Variants in PLEKHO2 observed in about 807,000 individuals in gnomAD.
PLEKHO2 encodes pleckstrin homology domain containing O2, also known as pleckstrin homology domain-containing family O member 2.
In PLEKHO2, 20 loss-of-function variants were observed where a neutral mutation model predicts 32.7. The ratio of observed to expected loss-of-function variants is 0.61; its 90% CI spans 0.43 to 0.89. PLEKHO2 has a LOEUF of 0.89. Ranked by LOEUF, PLEKHO2 falls within the 40% of genes least tolerant of loss-of-function variation. The pLI, the probability that PLEKHO2 is intolerant of heterozygous loss-of-function variation, is 0.00. For synonymous variants in PLEKHO2, 247 were observed against 246.3 expected, an observed-to-expected ratio of 1.00 and a Z score of -0.03; for missense variants, 568 against 621.2, an observed-to-expected ratio of 0.91 and a Z score of 0.91.
chr15:64,865,905 G>A lies in PLEKHO2; in HGVS notation c.*17G>A. 6.3e-7 allele frequency: 1 copy of A among 1,587,418 alleles called. No homozygotes were observed. The highest frequency in any genetic ancestry group is 1.1e-5 in the South Asian group (1 of 90,196). ...GCACCCTAGGGCCTTCTGGGCCAGA[G>A]GCACCATCCCTTCTGGCCATCCATC... is the stretch of plus-strand genomic sequence containing the variant. On this transcript the variant is annotated 3_prime_UTR_variant, in exon 6 of 6. Transcript: ENST00000323544.
At chr15:64,845,626 C>G (rs771817029) in intron 1 of PLEKHO2, among the ~76,000 whole-genome samples, 81 of 152,170 alleles carry the variant, frequency 5.3e-4, no homozygotes, top group Non-Finnish European at 1.1e-3. Flanking sequence ...GTCCCCTTCT[C>G]CATACCAAAG....
intron 5 of PLEKHO2, among the ~76,000 whole-genome samples, chr15:64,864,164 C>T (rs1423828116): frequency 6.6e-6 from 1 of 152,148 alleles, no homozygotes; most frequent in Non-Finnish European, 1.5e-5. Flanking sequence ...CTCTGAGGCT[C>T]TCTGGGAGGG....
intron 1 of PLEKHO2, among the ~76,000 whole-genome samples, chr15:64,844,510 A>G (rs2084508662): frequency 6.6e-6 from 1 of 151,770 alleles, no homozygotes; most frequent in African/African-American, 2.4e-5. Context: ...TCCCTTCTGT[A>G]CTCTGGGGCT....
At chr15:64,844,436 C>T (rs73469127) in intron 1 of PLEKHO2, among the ~76,000 whole-genome samples, 2,071 of 152,268 alleles carry the variant, frequency 0.014, 47 homozygotes, top group African/African-American at 0.047. Context: ...GAGAAAACTG[C>T]GAATATCAGT....
intron 2 of PLEKHO2, among the ~76,000 whole-genome samples, chr15:64,851,610 G>T (rs191115250): frequency 1.3e-5 from 2 of 152,156 alleles, no homozygotes. Flanking sequence ...AATGGCTCTT[G>T]GCTGTTTCTT....
Position 64,847,132 on chromosome 15 carries a change from G to A in PLEKHO2, c.13-1461G>A, listed in dbSNP as rs573816950. On this transcript the variant is annotated intron_variant, in intron 1 of 5. Coordinates refer to ENST00000323544, the MANE Select transcript of PLEKHO2 (RefSeq NM_025201.5). ...CCCAGATTCCCCACCACTAGAATGC[G>A]CAGTTCAAAAGGGGGTGGGGGCCCA... 1.1e-4 allele frequency among the ~76,000 whole-genome samples: 16 copies of A among 152,298 alleles called. No homozygotes were observed. The South Asian group carries it at 3.3e-3, about 32-fold the overall frequency.
Position 64,848,589 on chromosome 15 carries a change from A to G in PLEKHO2, c.13-4A>G. 4 of 1,614,110 alleles carry G rather than the reference A, an allele frequency of 2.5e-6. No individual in the cohort carries two copies. The African/African-American group carries it at 4.0e-5, about 16-fold the overall frequency. On this transcript the variant is annotated splice_region_variant and splice_polypyrimidine_tract_variant and intron_variant, in intron 1 of 5. Transcript: ENST00000323544. ...TCATGGTATGAACTGGTGCTGTGTT[A>G]CAGGGTGTGAAGGAAGCCGGTGAGA...
rs559873031 is a variant in PLEKHO2, at chr15:64,844,170, T to A, written c.12+2142T>A. Reference sequence around the variant, plus strand: ...GGCCATCTTCATCATCTCTTTCACATGGCTGCTTTCAGCCCTCCTGCTAGC... The same window carrying A: ...GGCCATCTTCATCATCTCTTTCACAAGGCTGCTTTCAGCCCTCCTGCTAGC... On this transcript the variant is annotated intron_variant, in intron 1 of 5. Coordinates refer to ENST00000323544, the MANE Select transcript of PLEKHO2 (RefSeq NM_025201.5). Among the ~76,000 whole-genome samples, 7 of 152,350 alleles carry A rather than the reference T, an allele frequency of 4.6e-5. 1 individual carries two copies. The highest frequency in any genetic ancestry group is 1.4e-4 in the African/African-American group (6 of 41,586).
rs1595834281 is a variant in PLEKHO2, at chr15:64,866,229, C to T, written c.*341C>T. 2.2e-6 allele frequency: 1 copy of T among 464,162 alleles called. No homozygotes were observed. The highest frequency in any genetic ancestry group is 4.2e-6 in the Non-Finnish European group (1 of 240,190). 28.8% of individuals were successfully genotyped at this position (464,162 alleles called of 1,614,324 possible). ...CGGCACTTGGGGTTTCTGGGAATGA[C>T]ATCATCTCTGTTCCCCATCCCCAGT... is the stretch of plus-strand genomic sequence containing the variant. On this transcript the variant is annotated 3_prime_UTR_variant, in exon 6 of 6. Coordinates refer to ENST00000323544, the MANE Select transcript of PLEKHO2 (RefSeq NM_025201.5).
At position 64,859,926 on chromosome 15, in the gene PLEKHO2, G is replaced by A. The variant is rs2084630972; in HGVS notation, c.312G>A (p.Gly104=). The A allele has an allele frequency of 8.1e-6, 13 of 1,614,186 alleles. No homozygotes were observed. The highest frequency in any genetic ancestry group is 1.1e-5 in the Non-Finnish European group (13 of 1,180,036). The change falls in exon 4 of 6, where the codon GGG becomes GGA. Residue 104 remains glycine (G), a synonymous_variant. Coordinates refer to ENST00000323544, the MANE Select transcript of PLEKHO2 (RefSeq NM_025201.5). ...VSDIKFQAPT[G]EEKESWIKAL... is the part of the protein sequence containing the mutation. ...ACATCAAATTCCAGGCACCCACCGG[G>A]GAGGAGAAGGAATCCTGGATCAAAG...
chr15:64,867,246 C>G lies in PLEKHO2; in HGVS notation c.*1358C>G, dbSNP rs1035637960. ...AAGGGGGGGGTCACAGCAACATGCC[C>G]TGGCCTTTCTGCTCTGTTCCCCAAC... On this transcript the variant is annotated 3_prime_UTR_variant, in exon 6 of 6. Coordinates refer to ENST00000323544, the MANE Select transcript of PLEKHO2 (RefSeq NM_025201.5). 6.5e-6 allele frequency: 1 copy of G among 152,848 alleles called. No homozygotes were observed. Among genetic ancestry groups the G allele is most frequent in the Non-Finnish European group, 1.5e-5 (1 of 68,202 alleles). The allele number at this position is 152,848 out of a possible 1,614,324, so 9.5% of individuals were successfully genotyped here.
In PLEKHO2 at chr15:64,848,661, G is replaced by A. The variant is rs1193710972; in HGVS notation, c.81G>A (p.Lys27=). Reference sequence around the variant, plus strand: ...TGGACAAGGCTGGCTGGATCAAGAAGAGCAGTGGGGGCCTCCTGGGTTTCT... The same window carrying A: ...TGGACAAGGCTGGCTGGATCAAGAAAAGCAGTGGGGGCCTCCTGGGTTTCT... ...QMVDKAGWIK[K]SSGGLLGFWK... is the part of the protein sequence containing the mutation. Residue 27 remains lysine, a synonymous_variant, in exon 2 of 6, where the codon AAG becomes AAA. Transcript: ENST00000323544. 4 of 1,614,190 alleles carry A rather than the reference G, an allele frequency of 2.5e-6. No individual in the cohort carries two copies. The Admixed American group carries it at 6.7e-5, about 27-fold the overall frequency.
chr15:64,861,223 CAG>C (rs1371659801), intron 4 of PLEKHO2, among the ~76,000 whole-genome samples: 1 of 152,256 alleles, frequency 6.6e-6, no homozygotes, highest in Non-Finnish European at 1.5e-5. Flanking sequence ...GTGATATACT[CAG>C]GGGCAAGGGC....
chr15:64,850,675 G>A (rs1271005676), intron 2 of PLEKHO2, among the ~76,000 whole-genome samples: 1 of 152,194 alleles, frequency 6.6e-6, no homozygotes, highest in Non-Finnish European at 1.5e-5. Flanking sequence ...GCCTCGAATA[G>A]CCCTCACTTC....
chr15:64,843,435 C>T (rs950284073), intron 1 of PLEKHO2, among the ~76,000 whole-genome samples: 10 of 152,164 alleles, frequency 6.6e-5, no homozygotes, highest in Non-Finnish European at 1.3e-4. Context: ...GGGCCCCTCC[C>T]CTGCTCCCAG....
chr15:64,865,453 G>A lies in PLEKHO2; in HGVS notation c.1038G>A (p.Met346Ile), dbSNP rs76490900. Residue 346 changes from methionine to isoleucine, a missense_variant, in exon 6 of 6, where the codon ATG (methionine) becomes ATA (isoleucine). Transcript: ENST00000323544. The stretch of plus-strand genomic sequence containing the variant: ...CAGTGCAGGTCTCAGTGAATGGCAT[G>A]GATGACAGTCCTGAGCCTGCCAAGC... ...PGTVQVSVNG[M>I]DDSPEPAKPS... is the part of the protein sequence containing the mutation. 0.014 allele frequency: 23,385 copies of A among 1,614,046 alleles called. 229 individuals carry two copies. The highest frequency in any genetic ancestry group is 0.017 in the Non-Finnish European group (20,139 of 1,180,008).
At chr15:64,852,928 AC>A (rs1230703288) in intron 2 of PLEKHO2, among the ~76,000 whole-genome samples, 2 of 151,884 alleles carry the variant, frequency 1.3e-5, no homozygotes, top group African/African-American at 2.4e-5. Flanking sequence ...CAGGTGGATC[AC>A]TTGAGGTCAA....
chr15:64,849,939 T>G (rs974156302), intron 2 of PLEKHO2, among the ~76,000 whole-genome samples: 16 of 151,320 alleles, frequency 1.1e-4, no homozygotes, highest in African/African-American at 3.9e-4. Context: ...GGCAGGCGGA[T>G]CACCTGAGGT....
Position 64,865,254 on chromosome 15 carries a change from A to C in PLEKHO2, c.839A>C (p.Gln280Pro). The stretch of plus-strand genomic sequence containing the variant: ...GTGAGCTGGGAGAACCCCAGCCCCC[A>C]GGAGGCCCCTGCTGCAGAGAGTGCA... ...LKVSWENPSP[Q>P]EAPAAESAEP... is the part of the protein sequence containing the mutation. Residue 280 changes from glutamine to proline, a missense_variant, in exon 6 of 6, where the codon CAG becomes CCG. Physicochemically the swap from Gln to Pro is moderately conservative, Grantham distance 76. Coordinates refer to ENST00000323544, the MANE Select transcript of PLEKHO2 (RefSeq NM_025201.5). The C allele has an allele frequency of 6.2e-7, 1 of 1,614,014 alleles. No homozygotes were observed. The highest frequency in any genetic ancestry group is 8.5e-7 in the Non-Finnish European group (1 of 1,179,920).
Sources: allele counts gnomAD v4.1 joint callset (sites outside exome capture counted in the v4.1 genomes callset), GRCh38; gene constraint gnomAD v4.1.1; transcripts MANE v1.5; gene names NCBI Gene and HGNC (gene_info 2026-07-23, HGNC 2026-07-21).